The following DNAJC18 variants were observed in gnomAD, a reference collection of about 807,000 sequenced individuals.
DNAJC18 encodes DnaJ heat shock protein family (Hsp40) member C18.
DNAJC18 carries 40 observed loss-of-function variants against 48.6 expected under a neutral mutation model. That is an observed-to-expected ratio of 0.82 (90% CI 0.64 to 1.07). DNAJC18 has a LOEUF of 1.07. DNAJC18 is among the 50% of genes least tolerant of loss of function. DNAJC18 has a pLI of 0.00. For missense variants in DNAJC18, 340 were observed against 427.7 expected (o/e 0.79, Z 1.81); for synonymous variants, 135 against 152.2 (o/e 0.89, Z 0.83).
At chr5:139,437,303 A>G (rs1339972026) in intron 2 of DNAJC18, 69 bp downstream of exon 2, 2 of 1,500,218 alleles carry the variant, frequency 1.3e-6, no homozygotes, top group Non-Finnish European at 1.8e-6. Flanking sequence ...CAATACTTAC[A>G]TAGCACATCC....
chr5:139,419,918 T>C, intron 7 of DNAJC18, 135 bp downstream of exon 7: 1 of 848,702 alleles, frequency 1.2e-6, no homozygotes. Context: ...GTATCCTGAA[T>C]GGCCTTTGTC....
chr5:139,418,108 C>T lies in DNAJC18; in HGVS notation c.952+1945G>A, dbSNP rs1159958278. Reference sequence around the variant, plus strand: ...GAAAGCAACAAAGTCAAAGCCCTCCCAGGACCCAGACAATGGGGATTTTCA... The same window carrying T: ...GAAAGCAACAAAGTCAAAGCCCTCCTAGGACCCAGACAATGGGGATTTTCA... On this transcript the variant is annotated intron_variant, in intron 7 of 7. Coordinates refer to ENST00000302060, the MANE Select transcript of DNAJC18 (RefSeq NM_152686.4). Among the ~76,000 whole-genome samples, 3 of 152,174 alleles carry T rather than the reference C, an allele frequency of 2.0e-5. No homozygotes were observed. In the East Asian group the frequency reaches 5.8e-4, roughly 29 times the overall value.
intron 6 of DNAJC18, among the ~76,000 whole-genome samples, chr5:139,422,021 C>T (rs926031177): frequency 6.6e-6 from 1 of 152,042 alleles, no homozygotes; most frequent in African/African-American, 2.4e-5. Context: ...TCTCAAACTT[C>T]AGTGTGGACC....
In DNAJC18 at chr5:139,421,531, C is replaced by T. The variant is rs112292092; in HGVS notation, c.779+1177G>A. On this transcript the variant is annotated intron_variant, in intron 6 of 7. Coordinates refer to ENST00000302060, the MANE Select transcript of DNAJC18 (RefSeq NM_152686.4). ...CTGTAAAAGGAAAATACTAGCCGGG[C>T]GCGATGGCTCATGCCTGTAATCCCA... 8.6e-3 allele frequency among the ~76,000 whole-genome samples: 1,306 copies of T among 151,344 alleles called. 18 individuals carry two copies. Among genetic ancestry groups the T allele is most frequent in the African/African-American group, 0.029 (1,196 of 41,208 alleles).
At chr5:139,430,170 C>G (rs1759306955) in intron 2 of DNAJC18, among the ~76,000 whole-genome samples, 5 of 152,150 alleles carry the variant, frequency 3.3e-5, no homozygotes, top group Non-Finnish European at 7.3e-5. Flanking sequence ...TCCACATCTA[C>G]TATACCAGAA....
In DNAJC18 at chr5:139,413,959, C is replaced by T. The variant is rs895585848; in HGVS notation, c.*189G>A. On this transcript the variant is annotated 3_prime_UTR_variant, in exon 8 of 8. Coordinates refer to ENST00000302060, the MANE Select transcript of DNAJC18 (RefSeq NM_152686.4). ...GAACTACTCCTGGTCCCTGGAGCCA[C>T]TCCCCAGGAAGGATCCTGTGAAGAC... The T allele has an allele frequency of 4.0e-6, 3 of 754,086 alleles. No individual in the cohort carries two copies. Among genetic ancestry groups the T allele is most frequent in the Non-Finnish European group, 4.1e-6 (2 of 493,078 alleles). The allele number at this position is 754,086 out of a possible 1,614,324, so 46.7% of individuals were successfully genotyped here. A position where few individuals can be genotyped will look rare whatever the true frequency, so the allele number is the denominator to read the frequency against.
intron 2 of DNAJC18, among the ~76,000 whole-genome samples, chr5:139,434,135 C>A (rs1759373756): frequency 6.6e-6 from 1 of 152,134 alleles, no homozygotes; most frequent in Non-Finnish European, 1.5e-5. Context: ...AAGTATTCTT[C>A]CTGCCTTGGC....
Position 139,438,416 on chromosome 5 carries a change from A to G in DNAJC18, c.41-858T>C, listed in dbSNP as rs180884986. Among the ~76,000 whole-genome samples, 13 of 151,804 alleles carry G rather than the reference A, an allele frequency of 8.6e-5. No homozygotes were observed. The East Asian group carries it at 2.5e-3, about 29-fold the overall frequency. ...ATTTAGTCGTCAGTTAGTGTATTTT[A>G]TGTGTGGCCCAAGACAATTCTTCTT... On this transcript the variant is annotated intron_variant, in intron 1 of 7. Transcript: ENST00000302060.
At chr5:139,419,904 T>A (rs186709111) in intron 7 of DNAJC18, 149 bp downstream of exon 7, 46 of 757,612 alleles carry the variant, frequency 6.1e-5, no homozygotes, top group Non-Finnish European at 5.2e-5. Context: ...CCTACTTTTT[T>A]ATAGTATCCT....
Position 139,437,577 on chromosome 5 carries a change from C to T in DNAJC18, c.41-19G>A, listed in dbSNP as rs773329707. The stretch of plus-strand genomic sequence containing the variant: ...ATGTAAGCTGCAAACAACAGCCCCT[C>T]CATTAGGTCTCCATCTGACCCTGAA... On this transcript the variant is annotated intron_variant, in intron 1 of 7. Coordinates refer to ENST00000302060, the MANE Select transcript of DNAJC18 (RefSeq NM_152686.4). The T allele has an allele frequency of 8.7e-6, 14 of 1,602,150 alleles. No homozygotes were observed. The highest frequency in any genetic ancestry group is 1.2e-5 in the Non-Finnish European group (14 of 1,174,914).
At position 139,412,607 on chromosome 5, in the gene DNAJC18, T is replaced by A; in HGVS notation, c.*1541A>T. ...CTTCCAATATGAAGGAAGCATGGAG[T>A]GTAGGCTACAGTCACTTAATGATCC... On this transcript the variant is annotated 3_prime_UTR_variant, in exon 8 of 8. Transcript: ENST00000302060. 2.5e-6 allele frequency: 1 copy of A among 398,260 alleles called. No individual in the cohort carries two copies. Among genetic ancestry groups the A allele is most frequent in the Non-Finnish European group, 4.4e-6 (1 of 226,044 alleles). The allele number at this position is 398,260 out of a possible 1,614,324, so 24.7% of individuals were successfully genotyped here. A position where few individuals can be genotyped will look rare whatever the true frequency, so the allele number is the denominator to read the frequency against.
At chr5:139,422,628 G>C (rs1199559652) in intron 6 of DNAJC18, 80 bp downstream of exon 6, 2 of 1,049,632 alleles carry the variant, frequency 1.9e-6, no homozygotes, top group Non-Finnish European at 2.9e-6. Flanking sequence ...GAAATGAAAT[G>C]TTAGTAATGT....
chr5:139,412,524 G>A lies in DNAJC18; in HGVS notation c.*1624C>T. On this transcript the variant is annotated 3_prime_UTR_variant, in exon 8 of 8. Coordinates refer to ENST00000302060, the MANE Select transcript of DNAJC18 (RefSeq NM_152686.4). Reference sequence around the variant, plus strand: ...GATCCACCTGCCACAGCCTCCCAAAGTGCTGGGATTACAGGCTTGAGCCAG... The same window carrying A: ...GATCCACCTGCCACAGCCTCCCAAAATGCTGGGATTACAGGCTTGAGCCAG... 1 of 388,856 alleles carries A rather than the reference G, an allele frequency of 2.6e-6. No homozygotes were observed. Among genetic ancestry groups the A allele is most frequent in the Non-Finnish European group, 4.5e-6 (1 of 220,466 alleles). 24.1% of individuals were successfully genotyped at this position (388,856 alleles called of 1,614,324 possible).
intron 5 of DNAJC18, among the ~76,000 whole-genome samples, chr5:139,423,278 G>C (rs569409677): frequency 3.3e-5 from 5 of 152,178 alleles, no homozygotes; most frequent in African/African-American, 7.2e-5. Context: ...AGAAGTACAG[G>C]TTGGGCAGTC....
intron 2 of DNAJC18, among the ~76,000 whole-genome samples, chr5:139,430,381 A>G (rs1759310059): frequency 6.6e-6 from 1 of 152,204 alleles, no homozygotes; most frequent in African/African-American, 2.4e-5. Flanking sequence ...GAACTGCTGG[A>G]TTAGAGATGA....
At chr5:139,422,401 A>G (rs1581415864) in intron 6 of DNAJC18, among the ~76,000 whole-genome samples, 1 of 152,190 alleles carries the variant, frequency 6.6e-6, no homozygotes, top group Admixed American at 6.5e-5. Flanking sequence ...TAACTCTACC[A>G]TGGTGTGATA....
At chr5:139,435,054 T>C (rs1443268370) in intron 2 of DNAJC18, among the ~76,000 whole-genome samples, 1 of 152,164 alleles carries the variant, frequency 6.6e-6, no homozygotes, top group East Asian at 1.9e-4. Flanking sequence ...CCTAGTTAAG[T>C]GTTTTTATTA....
intron 6 of DNAJC18, among the ~76,000 whole-genome samples, chr5:139,422,482 G>A (rs191480743): frequency 2.0e-4 from 30 of 152,264 alleles, no homozygotes; most frequent in Non-Finnish European, 2.9e-4. Context: ...CAGCTGACCA[G>A]ATGATGTCAC....
intron 2 of DNAJC18, 143 bp downstream of exon 2, chr5:139,437,229 C>G: frequency 9.5e-7 from 1 of 1,050,944 alleles, no homozygotes; most frequent in East Asian, 2.8e-5. Context: ...TCTATTCAGT[C>G]TTCCCTCTGA....
Sources: allele counts gnomAD v4.1 joint callset (sites outside exome capture counted in the v4.1 genomes callset), GRCh38; gene constraint gnomAD v4.1.1; transcripts MANE v1.5; gene names NCBI Gene and HGNC (gene_info 2026-07-23, HGNC 2026-07-21).